The following FAM32A variants were observed in gnomAD, a reference collection of about 807,000 sequenced individuals.
FAM32A encodes the protein family with sequence similarity 32 member A.
A neutral mutation model predicts 15.8 loss-of-function variants in FAM32A; 9 were observed. That is an observed-to-expected ratio of 0.57 (90% CI 0.34 to 1.00). The LOEUF (loss-of-function observed/expected upper bound fraction) is 1.00. FAM32A is among the 50% of genes least tolerant of loss of function. FAM32A has a pLI of 0.02. For synonymous variants in FAM32A, 64 were observed against 54.9 expected (o/e 1.16, Z -0.73); for missense variants, 113 against 138.3 (o/e 0.82, Z 0.92).
intron 2 of FAM32A, among the ~76,000 whole-genome samples, chr19:16,188,569 A>G (rs778451703): frequency 1.4e-4 from 22 of 152,186 alleles, no homozygotes; most frequent in Admixed American, 4.6e-4. Flanking sequence ...TGGGCAACAT[A>G]GCGATACCCT....
At chr19:16,190,823 C>G in intron 3 of FAM32A, 64 bp from the exon 4 acceptor site, 1 of 1,356,068 alleles carries the variant, frequency 7.4e-7, no homozygotes, top group South Asian at 1.2e-5. Flanking sequence ...CTGGGCAGTG[C>G]CACTTCTCCC....
chr19:16,186,041 A>G (rs1483109960), intron 2 of FAM32A, among the ~76,000 whole-genome samples: 3 of 152,198 alleles, frequency 2.0e-5, no homozygotes, highest in East Asian at 1.9e-4. Flanking sequence ...TTTGGATTCC[A>G]GTGCTGTGGC....
At chr19:16,186,601 C>T (rs1169547623) in intron 2 of FAM32A, 2 of 152,074 alleles carry the variant, frequency 1.3e-5, no homozygotes, top group East Asian at 1.9e-4. Context: ...ATGCCCATGA[C>T]GACTTTGTTT....
chr19:16,186,463 T>G (rs1052251287), intron 2 of FAM32A: 1 of 152,178 alleles, frequency 6.6e-6, no homozygotes, highest in African/African-American at 2.4e-5. Context: ...AGATGCGGTT[T>G]CACCATGTTG....
chr19:16,187,045 A>C (rs1429635278), intron 2 of FAM32A, among the ~76,000 whole-genome samples: 1 of 152,016 alleles, frequency 6.6e-6, no homozygotes, highest in East Asian at 1.9e-4. Context: ...TTAACTCCTT[A>C]CTCCCAGATC....
chr19:16,188,130 A>T (rs1222973819), intron 2 of FAM32A, among the ~76,000 whole-genome samples: 1 of 152,154 alleles, frequency 6.6e-6, no homozygotes, highest in Non-Finnish European at 1.5e-5. Flanking sequence ...CCAGAATGAG[A>T]CTTATGCGAG....
chr19:16,190,708 C>CTTTGAATAACCCTGGGGA, intron 3 of FAM32A, 135 bp downstream of exon 3: 1 of 853,920 alleles, frequency 1.2e-6, no homozygotes. Flanking sequence ...GACACTTCCC[C>CTTTGAATAACCCTGGGGA]AGGGTTATTC....
In FAM32A at chr19:16,191,026, T is replaced by C; in HGVS notation, c.*71T>C. The C allele has an allele frequency of 3.3e-6, 4 of 1,217,926 alleles. No individual in the cohort carries two copies. The highest frequency in any genetic ancestry group is 4.9e-6 in the Non-Finnish European group (4 of 821,456). 75.4% of individuals were successfully genotyped at this position (1,217,926 alleles called of 1,614,324 possible). ...CACACTGGGGTTGTGTGTGTTTCCT[T>C]TGGTATATTCTGGAAACATGGCTAC... On this transcript the variant is annotated 3_prime_UTR_variant, in exon 4 of 4. Transcript: ENST00000263384.
At chr19:16,190,460 C>A in intron 2 of FAM32A, 60 bp from the exon 3 acceptor site, 1 of 1,251,340 alleles carries the variant, frequency 8.0e-7, no homozygotes, top group Non-Finnish European at 1.2e-6. Context: ...TCTTCCACCC[C>A]ATGCCAGCCT....
At position 16,185,500 on chromosome 19, in the gene FAM32A, C is replaced by A. The variant is rs549179669; in HGVS notation, c.58C>A (p.Leu20Met). 6.4e-7 allele frequency: 1 copy of A among 1,565,230 alleles called. No individual in the cohort carries two copies. Among genetic ancestry groups the A allele is most frequent in the South Asian group, 1.2e-5 (1 of 85,068 alleles). The stretch of plus-strand genomic sequence containing the variant: ...CCTGAAGCTGAAAGGCGTCGCAGAG[C>A]TGGGAGTGACCAAGCGGTGAGGCCC... ...GPLKLKGVAE[L>M]GVTKRKKKKK... is the part of the protein sequence containing the mutation. The change falls in exon 1 of 4, where the codon CTG (leucine) becomes ATG (methionine). Residue 20 changes from leucine (L) to methionine (M), a missense_variant. By Grantham distance (15) the Leu-to-Met change is conservative. This residue lies in a region of FAM32A where 112 missense variants were observed against 118.6 expected (regional missense o/e 0.94). Coordinates refer to ENST00000263384, the MANE Select transcript of FAM32A (RefSeq NM_014077.4).
Position 16,185,636 on chromosome 19 carries a change from G to T in FAM32A, c.87G>T (p.Lys29Asn), listed in dbSNP as rs2091382205. The change falls in exon 2 of 4, where the codon AAG (lysine) becomes AAT (asparagine). Residue 29 changes from lysine (K) to asparagine (N), a missense_variant. Around this residue, in one of 2 missense-constraint regions of FAM32A, gnomAD observed 112 missense variants for 118.6 expected, o/e 0.94. Transcript: ENST00000263384. ...ELGVTKRKKK[K>N]KDKDKAKLLE... ...TGTCTTTTTCCAGGAAGAAGAAAAA[G>T]AAGGACAAAGACAAAGCGAAACTCC... 1.3e-6 allele frequency: 2 copies of T among 1,599,630 alleles called. No individual in the cohort carries two copies. Among genetic ancestry groups the T allele is most frequent in the Middle Eastern group, 1.7e-4 (1 of 6,058 alleles).
At chr19:16,189,155 C>T (rs1039204956) in intron 2 of FAM32A, among the ~76,000 whole-genome samples, 4 of 151,438 alleles carry the variant, frequency 2.6e-5, no homozygotes, top group African/African-American at 7.3e-5. Flanking sequence ...CCCAAGTAGC[C>T]GGGACTACAG....
intron 2 of FAM32A, among the ~76,000 whole-genome samples, 159 bp downstream of exon 2, chr19:16,185,924 C>T (rs960739006): frequency 6.6e-6 from 1 of 152,128 alleles, no homozygotes; most frequent in Non-Finnish European, 1.5e-5. Flanking sequence ...AAGAGTCGCC[C>T]TCTGCCGGGG....
In FAM32A at chr19:16,190,961, T is replaced by C. The variant is rs779190046; in HGVS notation, c.*6T>C. On this transcript the variant is annotated 3_prime_UTR_variant, in exon 4 of 4. Coordinates refer to ENST00000263384, the MANE Select transcript of FAM32A (RefSeq NM_014077.4). ...AAGTCAGCTGGACGAAGTAGCCGCC[T>C]GCCCCCAGTATGGAGCAGCATCGAG... The C allele has an allele frequency of 2.5e-6, 4 of 1,612,816 alleles. No individual in the cohort carries two copies. Among genetic ancestry groups the C allele is most frequent in the Non-Finnish European group, 3.4e-6 (4 of 1,178,784 alleles).
chr19:16,185,712 C>G lies in FAM32A; in HGVS notation c.163C>G (p.Leu55Val). The change falls in exon 2 of 4, where the codon CTG becomes GTG. Residue 55 changes from leucine to valine, a missense_variant. Transcript: ENST00000263384. ...KKNEEEKRRG[L>V]DKRTPAQAAF... is the part of the protein sequence containing the mutation. ...GAACGAGGAGGAGAAGCGGCGCGGC[C>G]TGGACAAGCGGACCCCGGCCCAGGC... 1.3e-6 allele frequency: 2 copies of G among 1,561,378 alleles called. No individual in the cohort carries two copies. Among genetic ancestry groups the G allele is most frequent in the Non-Finnish European group, 1.7e-6 (2 of 1,151,526 alleles).
intron 1 of FAM32A, 38 bp downstream of exon 1, chr19:16,185,554 C>T (rs919773869): frequency 1.3e-6 from 2 of 1,575,676 alleles, no homozygotes; most frequent in East Asian, 2.3e-5. Flanking sequence ...GTCTTCATCC[C>T]CCTTAGACCT....
At chr19:16,187,674 C>G (rs977383459) in intron 2 of FAM32A, 12 of 151,782 alleles carry the variant, frequency 7.9e-5, no homozygotes, top group African/African-American at 2.2e-4. Context: ...TGTTCTTGAA[C>G]CCCTGACCTC....
chr19:16,188,878 GT>G (rs1010422521), intron 2 of FAM32A, among the ~76,000 whole-genome samples: 3 of 152,158 alleles, frequency 2.0e-5, no homozygotes, highest in African/African-American at 7.2e-5. Flanking sequence ...GATGCTCTGG[GT>G]TGACTGGGCT....
In FAM32A at chr19:16,185,523, C is replaced by A; in HGVS notation, c.74+7C>A. ...AGCTGGGAGTGACCAAGCGGTGAGG[C>A]CCGAGGGCCCGCGGGATTCCGTCTT... On this transcript the variant is annotated splice_region_variant and intron_variant, in intron 1 of 3. Coordinates refer to ENST00000263384, the MANE Select transcript of FAM32A (RefSeq NM_014077.4). 6.4e-7 allele frequency: 1 copy of A among 1,566,082 alleles called. No individual in the cohort carries two copies. The highest frequency in any genetic ancestry group is 1.4e-5 in the African/African-American group (1 of 73,954).
Sources: allele counts gnomAD v4.1 joint callset (sites outside exome capture counted in the v4.1 genomes callset), GRCh38; gene constraint gnomAD v4.1.1; regional missense constraint gnomAD v4.1.1; transcripts MANE v1.5; gene names NCBI Gene and HGNC (gene_info 2026-07-23, HGNC 2026-07-21).